RSPH1: variants seen among roughly 807,000 people sequenced by gnomAD.
RSPH1 encodes the protein radial spoke head 1 homolog.
RSPH1 carries 32 observed loss-of-function variants against 44.2 expected under a neutral mutation model. The ratio of observed to expected loss-of-function variants is 0.72; its 90% CI spans 0.55 to 0.97. The LOEUF is 0.97. Ranked by LOEUF, RSPH1 falls within the 50% of genes least tolerant of loss-of-function variation. RSPH1 has a pLI of 0.00. For missense variants in RSPH1, 391 were observed against 398.7 expected (o/e 0.98, Z 0.16); for synonymous variants, 134 against 147.3 (o/e 0.91, Z 0.65).
intron 7 of RSPH1, among the ~76,000 whole-genome samples, chr21:42,476,644 C>T (rs920764417): frequency 4.6e-5 from 7 of 152,146 alleles, no homozygotes; most frequent in Admixed American, 2.6e-4. Flanking sequence ...CCCTCAGCTG[C>T]TGTCAGTGCC....
chr21:42,492,718 C>A (rs1388492458), intron 3 of RSPH1, 40 bp downstream of exon 3: 1 of 1,245,538 alleles, frequency 8.0e-7, no homozygotes, highest in African/African-American at 1.5e-5. Context: ...GAAAGAAAAA[C>A]TTCTGTAACA....
chr21:42,476,095 G>T lies in RSPH1; in HGVS notation c.728-48C>A, dbSNP rs1452698260. On this transcript the variant is annotated intron_variant, in intron 7 of 8. Coordinates refer to ENST00000291536, the MANE Select transcript of RSPH1 (RefSeq NM_080860.4). ...AGCCTGAGTTCCTGGGAAAAATGGA[G>T]CCTGCAGACCTGTGCAGGGCAGCTG... 3.7e-6 allele frequency: 6 copies of T among 1,606,766 alleles called. No homozygotes were observed. The African/African-American group carries it at 5.4e-5, about 14-fold the overall frequency.
At chr21:42,488,732 C>A (rs2054205039) in intron 3 of RSPH1, among the ~76,000 whole-genome samples, 2 of 152,160 alleles carry the variant, frequency 1.3e-5, no homozygotes, top group Admixed American at 1.3e-4. Flanking sequence ...TTTTGTAATG[C>A]CACCACAGGG....
chr21:42,482,826 T>G (rs1352073895), intron 5 of RSPH1, 118 bp from the exon 6 acceptor site: 1 of 656,840 alleles, frequency 1.5e-6, no homozygotes, highest in Non-Finnish European at 2.6e-6. Context: ...GTAACATGGA[T>G]TAAGGAATGC....
At chr21:42,477,575 A>G in intron 6 of RSPH1, 131 bp from the exon 7 acceptor site, 1 of 876,092 alleles carries the variant, frequency 1.1e-6, no homozygotes, top group Non-Finnish European at 1.8e-6. Flanking sequence ...TTAGGACGTC[A>G]CTCAGGAATC....
chr21:42,479,724 G>GTT (rs1205980791), intron 6 of RSPH1, among the ~76,000 whole-genome samples: 1 of 118,200 alleles, frequency 8.5e-6, no homozygotes, highest in Non-Finnish European at 1.8e-5. Flanking sequence ...TGTGTAGGAG[G>GTT]TTACACACAC....
At chr21:42,495,910 C>T (rs1396491738) in intron 1 of RSPH1, 2 of 550,912 alleles carry the variant, frequency 3.6e-6, no homozygotes, top group South Asian at 2.4e-5. Flanking sequence ...GGGGGAAGAA[C>T]GAGGCGGCAT....
intron 8 of RSPH1, 140 bp downstream of exon 8, chr21:42,475,758 G>A (rs545420508): frequency 1.9e-5 from 14 of 725,132 alleles, no homozygotes; most frequent in Admixed American, 9.7e-5. Context: ...TCCAGTGAGC[G>A]CTCACAGGGG....
At chr21:42,489,777 G>C (rs1395547547) in intron 3 of RSPH1, among the ~76,000 whole-genome samples, 1 of 152,224 alleles carries the variant, frequency 6.6e-6, no homozygotes, top group Non-Finnish European at 1.5e-5. Flanking sequence ...AGGTCCCACA[G>C]CTGGTGGGTA....
At chr21:42,488,833 T>A (rs2054206175) in intron 3 of RSPH1, among the ~76,000 whole-genome samples, 1 of 152,238 alleles carries the variant, frequency 6.6e-6, no homozygotes, top group Non-Finnish European at 1.5e-5. Context: ...TTTTTTGAGG[T>A]GAGTGACATT....
intron 3 of RSPH1, among the ~76,000 whole-genome samples, chr21:42,486,763 G>A (rs1034366465): frequency 6.6e-6 from 1 of 152,136 alleles, no homozygotes; most frequent in Non-Finnish European, 1.5e-5. Context: ...GAGTTCACGG[G>A]GTACAGAGTG....
intron 5 of RSPH1, 159 bp downstream of exon 5, chr21:42,485,510 A>G (rs1017374719): frequency 1.3e-6 from 1 of 756,008 alleles, no homozygotes. Context: ...TGGGTACCAG[A>G]GGCTCAGAGA....
rs746532824 is a variant in RSPH1, at chr21:42,489,265, CTGGT to C, written c.275-2808_275-2805del. On this transcript the variant is annotated intron_variant, in intron 3 of 8. Coordinates refer to ENST00000291536, the MANE Select transcript of RSPH1 (RefSeq NM_080860.4). ...GTTAGCTGTTTGGTTGGCTGGTTGG[CTGGT>C]TGGTTGGTTGGTTGGTTGGTTGGCT... Among the ~76,000 whole-genome samples the C allele has an allele frequency of 9.6e-3, 1,251 of 130,928 alleles. 20 individuals carry two copies. The highest frequency in any genetic ancestry group is 0.033 in the African/African-American group (1,122 of 34,452). The allele number at this position is 130,928 out of a possible 152,430, so 85.9% of individuals were successfully genotyped here. A position where few individuals can be genotyped will look rare whatever the true frequency, so the allele number is the denominator to read the frequency against.
rs61758127 is a variant in RSPH1 at position 42,485,699 on chromosome 21, G to C, written c.471C>G (p.His157Gln). The change falls in exon 5 of 9, where the codon CAC (histidine) becomes CAG (glutamine). Residue 157 changes from histidine (H) to glutamine (Q), a missense_variant. By Grantham distance (24) the His-to-Gln change is conservative (BLOSUM62 0). Coordinates refer to ENST00000291536, the MANE Select transcript of RSPH1 (RefSeq NM_080860.4). ...TGTTCAAGAACTTGCCCTGGTACCT[G>C]TGGTTCAGGTGAATGAGCTCGGCCG... ...EGTAELIHLN[H>Q]RYQGKFLNKN... 5.9e-5 allele frequency: 95 copies of C among 1,614,116 alleles called. No individual in the cohort carries two copies. The highest frequency in any genetic ancestry group is 3.1e-5 in the Non-Finnish European group (37 of 1,180,048).
At chr21:42,483,530 C>G (rs1219951596) in intron 5 of RSPH1, among the ~76,000 whole-genome samples, 3 of 151,936 alleles carry the variant, frequency 2.0e-5, no homozygotes, top group East Asian at 3.9e-4. Flanking sequence ...AGTAAGCCTG[C>G]ATTTTTTTCA....
At position 42,485,696 on chromosome 21, in the gene RSPH1, C is replaced by T. The variant is rs760988186; in HGVS notation, c.474G>A (p.Arg158=). The T allele has an allele frequency of 6.2e-6, 10 of 1,614,128 alleles. No individual in the cohort carries two copies. In the East Asian group the frequency reaches 1.6e-4, roughly 25 times the overall value. ...TTTTGTTCAAGAACTTGCCCTGGTA[C>T]CTGTGGTTCAGGTGAATGAGCTCGG... The part of the protein sequence containing the change: ...GTAELIHLNH[R]YQGKFLNKNP... Residue 158 remains arginine, a synonymous_variant, in exon 5 of 9, where the codon AGG becomes AGA. Coordinates refer to ENST00000291536, the MANE Select transcript of RSPH1 (RefSeq NM_080860.4).
intron 3 of RSPH1, among the ~76,000 whole-genome samples, chr21:42,491,860 A>G (rs1013477478): frequency 6.6e-6 from 1 of 152,214 alleles, no homozygotes; most frequent in African/African-American, 2.4e-5. Context: ...TCCTAGCCCC[A>G]GTTACTGAGT....
At chr21:42,490,464 A>G (rs559927085) in intron 3 of RSPH1, among the ~76,000 whole-genome samples, 1 of 152,334 alleles carries the variant, frequency 6.6e-6, no homozygotes, top group Non-Finnish European at 1.5e-5. Context: ...AATTAATATT[A>G]TAACTTCTGA....
intron 5 of RSPH1, among the ~76,000 whole-genome samples, chr21:42,484,245 G>A (rs577533153): frequency 1.1e-4 from 17 of 152,072 alleles, no homozygotes; most frequent in Admixed American, 5.2e-4. Flanking sequence ...ATCCAACATC[G>A]ATGAGAATAT....
Sources: allele counts gnomAD v4.1 joint callset (sites outside exome capture counted in the v4.1 genomes callset), GRCh38; gene constraint gnomAD v4.1.1; transcripts MANE v1.5; gene names NCBI Gene and HGNC (gene_info 2026-07-23, HGNC 2026-07-21).